Variants in NOP9 observed in about 807,000 individuals in gnomAD.
The protein encoded by NOP9 is NOP9 nucleolar protein.
NOP9 carries 50 observed loss-of-function variants against 63.0 expected under a neutral mutation model. The ratio of observed to expected loss-of-function variants is 0.79; its 90% CI spans 0.63 to 1.00. NOP9 has a LOEUF of 1.00. Ranked by LOEUF, NOP9 falls within the 50% of genes least tolerant of loss-of-function variation. The pLI is 0.00. For synonymous variants in NOP9, 343 were observed against 332.8 expected, an observed-to-expected ratio of 1.03 and a Z score of -0.33; for missense variants, 758 against 803.0, an observed-to-expected ratio of 0.94 and a Z score of 0.68.
intron 3 of NOP9, 44 bp from the exon 4 acceptor site, chr14:24,301,921 C>T (rs2041384283): frequency 6.3e-7 from 1 of 1,589,880 alleles, no homozygotes; most frequent in Non-Finnish European, 8.6e-7. Context: ...CGCAGGTTGT[C>T]TGGATTTTGG....
chr14:24,301,812 C>T (rs1224446237), intron 3 of NOP9, 90 bp downstream of exon 3: 3 of 1,513,918 alleles, frequency 2.0e-6, no homozygotes, highest in Non-Finnish European at 2.7e-6. Flanking sequence ...GGTTATTCCT[C>T]TTCTTTTCAA....
chr14:24,303,771 T>C lies in NOP9; in HGVS notation c.1324T>C (p.Cys442Arg). Residue 442 changes from cysteine (C) to arginine (R), a missense_variant, in exon 7 of 10, where the codon TGT (cysteine) becomes CGT (arginine). Coordinates refer to ENST00000267425, the MANE Select transcript of NOP9 (RefSeq NM_174913.3). The part of the protein sequence containing the change: ...CAEPSSRQVA[C>R]VPLFATLMAY... ...AGAGCCCTCATCCCGGCAAGTGGCCTGTGTGCCTCTCTTTGCCACTTTGAT... is the reference window on the plus strand; with the variant it reads ...AGAGCCCTCATCCCGGCAAGTGGCCCGTGTGCCTCTCTTTGCCACTTTGAT... 1.2e-6 allele frequency: 2 copies of C among 1,614,136 alleles called. No individual in the cohort carries two copies. The highest frequency in any genetic ancestry group is 1.7e-6 in the Non-Finnish European group (2 of 1,179,964).
chr14:24,271,208 C>T, the NOP9 span: 4 of 1,417,598 alleles, frequency 2.8e-6, no homozygotes, highest in East Asian at 2.5e-5. Flanking sequence ...CCCGCCCCTA[C>T]TAGCTCCGCC....
At chr14:24,284,846 G>A in the NOP9 span, among the ~76,000 whole-genome samples, 2 of 152,060 alleles carry the variant, frequency 1.3e-5, no homozygotes, top group Admixed American at 6.5e-5. Context: ...CTGGGCCCTC[G>A]TGTGTGCTCC....
the NOP9 span, chr14:24,291,007 A>T: frequency 6.2e-7 from 1 of 1,613,750 alleles, no homozygotes; most frequent in Admixed American, 1.7e-5. Flanking sequence ...TGGGAACAAC[A>T]GGAGGAGGAG....
Position 24,305,653 on chromosome 14 carries a change from C to T in NOP9, c.*558C>T. 1.9e-6 allele frequency: 3 copies of T among 1,613,668 alleles called. No individual in the cohort carries two copies. Among genetic ancestry groups the T allele is most frequent in the Non-Finnish European group, 1.7e-6 (2 of 1,179,810 alleles). On this transcript the variant is annotated 3_prime_UTR_variant, in exon 10 of 10. Coordinates refer to ENST00000267425, the MANE Select transcript of NOP9 (RefSeq NM_174913.3). ...GCCCCTTAGTAGGAATGGAGGCGGC[C>T]CTTCTGCTGCCACTGCTCAGCCCCC...
At chr14:24,280,981 C>T in the NOP9 span, among the ~76,000 whole-genome samples, 1 of 152,098 alleles carries the variant, frequency 6.6e-6, no homozygotes, top group African/African-American at 2.4e-5. Context: ...TTCCGAAGCT[C>T]AGAATTCAGT....
the NOP9 span, chr14:24,290,984 G>A: frequency 1.2e-6 from 2 of 1,614,138 alleles, no homozygotes; most frequent in South Asian, 1.1e-5. Flanking sequence ...AAATAGTCTT[G>A]GACGGGGCGG....
chr14:24,284,560 A>C, the NOP9 span, among the ~76,000 whole-genome samples: 4 of 152,052 alleles, frequency 2.6e-5, no homozygotes, highest in Non-Finnish European at 5.9e-5. Flanking sequence ...AGGGTGGGCC[A>C]AACTAGGAGG....
chr14:24,290,960 C>CA, the NOP9 span: 2 of 1,613,944 alleles, frequency 1.2e-6, no homozygotes, highest in Non-Finnish European at 1.7e-6. Context: ...TGTGAGAGAA[C>CA]AGAGCTCAAA....
At chr14:24,287,578 T>A in the NOP9 span, among the ~76,000 whole-genome samples, 1 of 152,176 alleles carries the variant, frequency 6.6e-6, no homozygotes, top group African/African-American at 2.4e-5. Context: ...ATATCTTTAC[T>A]CCACTCTCTC....
chr14:24,303,597 G>T (rs1351508772), intron 6 of NOP9, 135 bp from the exon 7 acceptor site: 11 of 850,500 alleles, frequency 1.3e-5, no homozygotes, highest in Non-Finnish European at 1.9e-5. Context: ...ATACAGCAAG[G>T]CATGACATCT....
chr14:24,289,082 T>G, the NOP9 span, among the ~76,000 whole-genome samples: 5 of 151,980 alleles, frequency 3.3e-5, no homozygotes, highest in African/African-American at 1.2e-4. Flanking sequence ...GTTCATGCCA[T>G]TCTCCTGCCT....
At chr14:24,279,179 C>CT in the NOP9 span, among the ~76,000 whole-genome samples, 4 of 152,282 alleles carry the variant, frequency 2.6e-5, no homozygotes, top group South Asian at 8.3e-4. Context: ...CATTCAGAGA[C>CT]CAGAGTCTCT....
At chr14:24,299,170 CTG>C (rs1194724119), upstream of NOP9, 106 of 1,550,604 alleles carry the variant, frequency 6.8e-5, no homozygotes, top group South Asian at 1.5e-4. Flanking sequence ...AGCCTGGAGA[CTG>C]TGTGTGTGTT....
Position 24,305,572 on chromosome 14 carries a change from C to G in NOP9, c.*477C>G. 6.4e-7 allele frequency: 1 copy of G among 1,552,286 alleles called. No homozygotes were observed. Among genetic ancestry groups the G allele is most frequent in the Non-Finnish European group, 8.7e-7 (1 of 1,151,112 alleles). ...TGTCTGCAGGTCCTGAAATTTGATGCTGTCATAGTCTTTGCAGTGGGTCGG... is the reference window on the plus strand; with the variant it reads ...TGTCTGCAGGTCCTGAAATTTGATGGTGTCATAGTCTTTGCAGTGGGTCGG... On this transcript the variant is annotated 3_prime_UTR_variant, in exon 10 of 10. Coordinates refer to ENST00000267425, the MANE Select transcript of NOP9 (RefSeq NM_174913.3).
At position 24,304,499 on chromosome 14, in the gene NOP9, T is replaced by C; in HGVS notation, c.1654T>C (p.Tyr552His). The C allele has an allele frequency of 1.9e-6, 3 of 1,609,068 alleles. No homozygotes were observed. Among genetic ancestry groups the C allele is most frequent in the Non-Finnish European group, 2.5e-6 (3 of 1,178,436 alleles). The change falls in exon 9 of 10, where the codon TAT becomes CAT. Residue 552 changes from tyrosine (Y) to histidine (H), a missense_variant. Tyr to His is a moderately conservative substitution (Grantham distance 83). Transcript: ENST00000267425. Reference protein sequence around the residue: ...RRVLQNLKGQYVALACSRHGS... With the variant: ...RRVLQNLKGQHVALACSRHGS... ...TTTGCTTGTCTCCATACAGGGACAA[T>C]ATGTGGCTCTGGCCTGTAGTCGCCA...
chr14:24,295,922 T>C (rs549693391), upstream of NOP9, among the ~76,000 whole-genome samples: 10 of 152,158 alleles, frequency 6.6e-5, no homozygotes, highest in East Asian at 1.9e-4. Flanking sequence ...TATATGAGAG[T>C]GTAACATCAT....
rs200594781 is a variant in NOP9, at chr14:24,304,522, C to T, written c.1677C>T (p.Arg559=). The change falls in exon 9 of 10, where the codon CGC becomes CGT. Residue 559 remains arginine (R), a synonymous_variant. Coordinates refer to ENST00000267425, the MANE Select transcript of NOP9 (RefSeq NM_174913.3). ...KGQYVALACS[R]HGSRVLDAIW... ...AATATGTGGCTCTGGCCTGTAGTCG[C>T]CATGGCAGCCGTGTGCTAGATGCCA... 6.2e-7 allele frequency: 1 copy of T among 1,613,052 alleles called. No homozygotes were observed. The highest frequency in any genetic ancestry group is 2.2e-5 in the East Asian group (1 of 44,880).
Sources: gnomAD v4.1 joint callset for allele counts (sites outside exome capture counted in the v4.1 genomes callset) on GRCh38, gnomAD v4.1.1 for gene constraint, MANE v1.5 for transcripts, NCBI Gene and HGNC (gene_info 2026-07-23, HGNC 2026-07-21) for gene names.